CKMT2: variants seen among roughly 807,000 people sequenced by gnomAD.
The protein encoded by CKMT2 is creatine kinase S-type, mitochondrial.
Under a neutral mutation model 48.9 loss-of-function variants are expected in CKMT2, and 43 were observed. The ratio of observed to expected loss-of-function variants is 0.88; its 90% CI spans 0.69 to 1.13. The LOEUF (loss-of-function observed/expected upper bound fraction) is 1.13, where lower values mean the gene tolerates loss of function less well. Ranked by LOEUF, CKMT2 falls within the 50% of genes most tolerant of loss-of-function variation. The pLI is 0.00. For synonymous variants in CKMT2, 206 were observed against 213.0 expected (o/e 0.97, Z 0.29); for missense variants, 472 against 555.4 (o/e 0.85, Z 1.51).
rs1484396974 is a variant in CKMT2 at position 81,247,161 on chromosome 5, TGAACA to T, written c.-20-3945_-20-3941del. Among the ~76,000 whole-genome samples the T allele has an allele frequency of 2.0e-5, 3 of 152,282 alleles. No individual in the cohort carries two copies. The East Asian group carries it at 5.8e-4, about 29-fold the overall frequency. ...CTCATCTCCTCTCCCTAGTGGTCTC[TGAACA>T]GAACAGTTCAGTACGTTATGATAAT... On this transcript the variant is annotated intron_variant, in intron 1 of 9. Transcript: ENST00000254035.
chr5:81,260,163 G>A (rs191306450), intron 8 of CKMT2, among the ~76,000 whole-genome samples: 1 of 152,250 alleles, frequency 6.6e-6, no homozygotes, highest in African/African-American at 2.4e-5. Context: ...TAAGTTCTTT[G>A]AAACCAATGA....
rs867641627 is a variant in CKMT2 at position 81,263,603 on chromosome 5, T to C, written c.1127T>C (p.Ile376Thr). ...TACGACATTTCCAACATAGATAGAA[T>C]TGGTCGATCAGAGGTAACGTCTCTC... Reference protein sequence around the residue: ...DVYDISNIDRIGRSEVELVQI... With the variant: ...DVYDISNIDRTGRSEVELVQI... The change falls in exon 9 of 10, where the codon ATT (isoleucine) becomes ACT (threonine). Residue 376 changes from isoleucine to threonine, a missense_variant. Ile to Thr is a moderately conservative substitution (Grantham distance 89). Transcript: ENST00000254035. The C allele has an allele frequency of 1.3e-5, 21 of 1,611,682 alleles. No homozygotes were observed. Among genetic ancestry groups the C allele is most frequent in the Non-Finnish European group, 1.8e-5 (21 of 1,178,554 alleles).
chr5:81,234,079 G>A (rs994738012), intron 1 of CKMT2, among the ~76,000 whole-genome samples: 1 of 140,346 alleles, frequency 7.1e-6, no homozygotes, highest in Non-Finnish European at 1.5e-5. Flanking sequence ...TTTCACCTGG[G>A]CAGAGGCCTG....
chr5:81,242,665 T>C (rs28650401), intron 1 of CKMT2: 42,370 of 219,198 alleles, frequency 0.19, 4,493 homozygotes, highest in Admixed American at 0.29. Flanking sequence ...AAGGCGTTTA[T>C]TGCTGGGTGC....
chr5:81,240,565 G>A lies in CKMT2; in HGVS notation c.-21+7188G>A, dbSNP rs543506735. On this transcript the variant is annotated intron_variant, in intron 1 of 9. Transcript: ENST00000254035. ...GGCATGCAATACAGTACTTTGGTATGGTTAAGACCCCATCTAGACATGCTG... is the reference window on the plus strand; with the variant it reads ...GGCATGCAATACAGTACTTTGGTATAGTTAAGACCCCATCTAGACATGCTG... 2.6e-5 allele frequency among the ~76,000 whole-genome samples: 4 copies of A among 152,326 alleles called. No homozygotes were observed. The South Asian group carries it at 8.3e-4, about 32-fold the overall frequency.
intron 7 of CKMT2, among the ~76,000 whole-genome samples, chr5:81,258,245 T>G (rs1017906615): frequency 2.0e-5 from 3 of 151,710 alleles, no homozygotes; most frequent in Non-Finnish European, 2.9e-5. Context: ...CTCAAGGCAT[T>G]TTTTGGAGTG....
rs1232519017 is a variant in CKMT2 at position 81,257,728 on chromosome 5, A to T, written c.756-5A>T. ...CACTCAGTACCATATTTCTCTCTTC[A>T]TTAGGCATAATTATGATAAGACATT... On this transcript the variant is annotated splice_polypyrimidine_tract_variant and splice_region_variant and intron_variant, in intron 6 of 9. Transcript: ENST00000254035. 1.2e-6 allele frequency: 2 copies of T among 1,610,038 alleles called. No individual in the cohort carries two copies. The highest frequency in any genetic ancestry group is 1.3e-5 in the African/African-American group (1 of 74,708).
intron 4 of CKMT2, 43 bp downstream of exon 4, chr5:81,254,534 C>A: frequency 3.8e-6 from 6 of 1,569,418 alleles, no homozygotes; most frequent in Non-Finnish European, 5.3e-6. Flanking sequence ...AGCTGGCACT[C>A]CTGAGCCCAA....
At chr5:81,254,175 G>A (rs1284775797) in intron 3 of CKMT2, among the ~76,000 whole-genome samples, 1 of 152,154 alleles carries the variant, frequency 6.6e-6, no homozygotes, top group African/African-American at 2.4e-5. Context: ...CCTATCTCAA[G>A]GGGCAAGATG....
In CKMT2 at chr5:81,256,995, A is replaced by T. The variant is rs767030458; in HGVS notation, c.750A>T (p.Gly250=). 4 of 1,611,480 alleles carry T rather than the reference A, an allele frequency of 2.5e-6. No homozygotes were observed. In the Admixed American group the frequency reaches 6.7e-5, roughly 27 times the overall value. The change falls in exon 6 of 10, where the codon GGA becomes GGT. Residue 250 remains glycine, a synonymous_variant. Transcript: ENST00000254035. ...CCCGTGACTGGCCAGATGCCAGGGG[A>T]ATCTGGTATGGATGCAGCATTTTCA... ...GMARDWPDAR[G]IWHNYDKTFL... is the part of the protein sequence containing the mutation.
intron 1 of CKMT2, chr5:81,238,092 T>G (rs1301103281): frequency 6.6e-6 from 1 of 152,206 alleles, no homozygotes; most frequent in Non-Finnish European, 1.5e-5. Flanking sequence ...CCCAGCATTT[T>G]GGGAGGCCAA....
At chr5:81,235,937 A>G (rs1756230250) in intron 1 of CKMT2, 1 of 152,140 alleles carries the variant, frequency 6.6e-6, no homozygotes, top group Non-Finnish European at 1.5e-5. Flanking sequence ...TCAATTCAGG[A>G]GTCATTGTGG....
intron 6 of CKMT2, among the ~76,000 whole-genome samples, chr5:81,257,339 C>T (rs1180485149): frequency 6.6e-6 from 1 of 152,044 alleles, no homozygotes; most frequent in East Asian, 1.9e-4. Flanking sequence ...ATGTTGTGTA[C>T]CTTCAACATC....
At chr5:81,243,499 T>C (rs1756504854) in intron 1 of CKMT2, among the ~76,000 whole-genome samples, 4 of 152,210 alleles carry the variant, frequency 2.6e-5, no homozygotes, top group African/African-American at 7.2e-5. Context: ...AAAAGTCATA[T>C]ACAGTATATA....
intron 2 of CKMT2, 133 bp from the exon 3 acceptor site, chr5:81,252,562 C>T (rs1295862932): frequency 1.2e-6 from 1 of 833,622 alleles, no homozygotes; most frequent in Admixed American, 2.2e-5. Flanking sequence ...GACTCCTAGG[C>T]AGTTCTAGCC....
chr5:81,254,553 C>T, intron 4 of CKMT2, 62 bp downstream of exon 4: 4 of 1,442,938 alleles, frequency 2.8e-6, no homozygotes, highest in Non-Finnish European at 3.9e-6. Context: ...AAGGGGAAGG[C>T]CCCTGGAGAG....
intron 1 of CKMT2, chr5:81,244,247 G>A (rs1045813352): frequency 1.6e-5 from 15 of 946,048 alleles, no homozygotes; most frequent in Admixed American, 6.2e-5. Flanking sequence ...CATAGAAATC[G>A]CAAGATATAA....
chr5:81,259,045 T>C (rs1366880138), intron 7 of CKMT2, 75 bp from the exon 8 acceptor site: 3 of 1,428,090 alleles, frequency 2.1e-6, no homozygotes, highest in South Asian at 1.4e-5. Flanking sequence ...CATCTCTCTC[T>C]CTGGTGTTAG....
At position 81,266,335 on chromosome 5, in the gene CKMT2, A is replaced by C; in HGVS notation, c.*77A>C. 1 of 1,388,502 alleles carries C rather than the reference A, an allele frequency of 7.2e-7. No homozygotes were observed. Among genetic ancestry groups the C allele is most frequent in the Non-Finnish European group, 1.0e-6 (1 of 1,000,872 alleles). The allele number at this position is 1,388,502 out of a possible 1,614,324, so 86.0% of individuals were successfully genotyped here. ...AAATCTCTACTCTGAGAGTTTTTAT[A>C]CACTTGGAAAAATATAAAATTGTAG... On this transcript the variant is annotated 3_prime_UTR_variant, in exon 10 of 10. Coordinates refer to ENST00000254035, the MANE Select transcript of CKMT2 (RefSeq NM_001099735.2).
Sources: allele counts gnomAD v4.1 joint callset (sites outside exome capture counted in the v4.1 genomes callset), GRCh38; gene constraint gnomAD v4.1.1; transcripts MANE v1.5; gene names NCBI Gene and HGNC (gene_info 2026-07-23, HGNC 2026-07-21).